BBOX1: variants seen among roughly 807,000 people sequenced by gnomAD.
The protein encoded by BBOX1 is gamma-butyrobetaine dioxygenase.
Under a neutral mutation model 41.6 loss-of-function variants are expected in BBOX1, and 35 were observed. That is an observed-to-expected ratio of 0.84 (90% CI 0.64 to 1.11). The LOEUF (loss-of-function observed/expected upper bound fraction) is 1.11, where lower values mean the gene tolerates loss of function less well. Among genes scored for constraint, BBOX1 ranks in the 50% most tolerant of loss-of-function variants. The pLI, the probability that BBOX1 is intolerant of heterozygous loss-of-function variation, is 0.00. For synonymous variants in BBOX1, 163 were observed against 154.7 expected, an observed-to-expected ratio of 1.05 and a Z score of -0.40; for missense variants, 458 against 460.6, an observed-to-expected ratio of 0.99 and a Z score of 0.05.
Position 27,114,657 on chromosome 11 carries a change from C to A in BBOX1, c.534-795C>A, listed in dbSNP as rs962537603. 3.3e-5 allele frequency among the ~76,000 whole-genome samples: 5 copies of A among 151,740 alleles called. No individual in the cohort carries two copies. The Admixed American group carries it at 3.3e-4, about 10-fold the overall frequency. On this transcript the variant is annotated intron_variant, in intron 5 of 8. Coordinates refer to ENST00000263182, the MANE Select transcript of BBOX1 (RefSeq NM_003986.3). Reference sequence around the variant, plus strand: ...ATATCATTCAATAGAGAAAGAACAACCTCTTTAACAAATTGTTCTGAGGCA... The same window carrying A: ...ATATCATTCAATAGAGAAAGAACAAACTCTTTAACAAATTGTTCTGAGGCA...
At chr11:27,074,025 C>T (rs1169206846) in intron 4 of BBOX1, among the ~76,000 whole-genome samples, 1 of 151,994 alleles carries the variant, frequency 6.6e-6, no homozygotes, top group Non-Finnish European at 1.5e-5. Flanking sequence ...AACAAACCTG[C>T]ATGTTGTGCA....
intron 2 of BBOX1, among the ~76,000 whole-genome samples, chr11:27,050,724 A>G (rs1009441503): frequency 4.6e-5 from 7 of 152,120 alleles, no homozygotes; most frequent in South Asian, 2.1e-4. Flanking sequence ...TATTAGTTCT[A>G]AAAGTTTTTT....
intron 3 of BBOX1, among the ~76,000 whole-genome samples, chr11:27,056,376 G>C (rs1037347757): frequency 6.6e-6 from 1 of 152,180 alleles, no homozygotes; most frequent in Admixed American, 6.5e-5. Flanking sequence ...TCCTGCCTCA[G>C]CCTCCCAAGT....
chr11:27,050,649 GTTA>G (rs1851643222), intron 2 of BBOX1, among the ~76,000 whole-genome samples: 1 of 152,040 alleles, frequency 6.6e-6, no homozygotes, highest in Admixed American at 6.5e-5. Context: ...AATGTTAGTT[GTTA>G]TTATACATAA....
At chr11:27,115,358 G>C in intron 5 of BBOX1, 94 bp from the exon 6 acceptor site, 3 of 995,530 alleles carry the variant, frequency 3.0e-6, no homozygotes, top group Admixed American at 2.8e-5. Context: ...AAAATGAAAA[G>C]TTTCCATTTC....
intron 4 of BBOX1, among the ~76,000 whole-genome samples, chr11:27,064,407 G>A (rs1378930426): frequency 1.3e-5 from 2 of 152,082 alleles, no homozygotes; most frequent in East Asian, 1.9e-4. Context: ...ATACACAGGT[G>A]GGAGAATAGC....
chr11:27,082,473 G>C (rs1226082536), intron 4 of BBOX1, among the ~76,000 whole-genome samples: 1 of 152,100 alleles, frequency 6.6e-6, no homozygotes, highest in Non-Finnish European at 1.5e-5. Context: ...CCAACTCTAA[G>C]GAAGTCTGGG....
At chr11:27,094,590 A>C (rs1760828060) in intron 5 of BBOX1, among the ~76,000 whole-genome samples, 1 of 151,956 alleles carries the variant, frequency 6.6e-6, no homozygotes, top group African/African-American at 2.4e-5. Context: ...CCTTGAAGAG[A>C]GGTAGACTCA....
At chr11:27,114,998 A>G (rs1859205215) in intron 5 of BBOX1, among the ~76,000 whole-genome samples, 1 of 151,848 alleles carries the variant, frequency 6.6e-6, no homozygotes, top group South Asian at 2.1e-4. Flanking sequence ...TTACTAAAAT[A>G]AGAGGTTTTG....
chr11:27,053,062 ATGT>A (rs936823716), intron 2 of BBOX1, among the ~76,000 whole-genome samples: 3 of 152,202 alleles, frequency 2.0e-5, no homozygotes, highest in Non-Finnish European at 4.4e-5. Flanking sequence ...TAGTCAAAAA[ATGT>A]TGTACTAGTG....
intron 4 of BBOX1, among the ~76,000 whole-genome samples, chr11:27,074,657 A>G (rs1252455029): frequency 6.6e-6 from 1 of 152,232 alleles, no homozygotes; most frequent in East Asian, 1.9e-4. Flanking sequence ...TAAGCAGCAA[A>G]GCATTCAAGA....
Position 27,126,572 on chromosome 11 carries a change from A to G in BBOX1, c.1004-721A>G, listed in dbSNP as rs576527821. Reference sequence around the variant, plus strand: ...TTCAGGATTCTTATGAGGCTTAGAAATAATGTGGCATAAAATACTAGGCAC... The same window carrying G: ...TTCAGGATTCTTATGAGGCTTAGAAGTAATGTGGCATAAAATACTAGGCAC... On this transcript the variant is annotated intron_variant, in intron 8 of 8. Coordinates refer to ENST00000263182, the MANE Select transcript of BBOX1 (RefSeq NM_003986.3). Among the ~76,000 whole-genome samples the G allele has an allele frequency of 2.4e-3, 358 of 152,324 alleles. 3 individuals carry two copies. Among genetic ancestry groups the G allele is most frequent in the South Asian group, 0.016 (79 of 4,820 alleles).
rs750503422 is a variant in BBOX1 at position 27,057,350 on chromosome 11, C to A, written c.334+35C>A. On this transcript the variant is annotated intron_variant, in intron 4 of 8. Coordinates refer to ENST00000263182, the MANE Select transcript of BBOX1 (RefSeq NM_003986.3). ...CCAAAGTCTTCAATGTCTTTTTAAA[C>A]CCTTACAGTAAAGGATTTTTATTAA... 5 of 1,486,648 alleles carry A rather than the reference C, an allele frequency of 3.4e-6. No individual in the cohort carries two copies. In the South Asian group the frequency reaches 4.8e-5, roughly 14 times the overall value. The allele number at this position is 1,486,648 out of a possible 1,614,324, so 92.1% of individuals were successfully genotyped here. A position where few individuals can be genotyped will look rare whatever the true frequency, so the allele number is the denominator to read the frequency against.
intron 4 of BBOX1, among the ~76,000 whole-genome samples, chr11:27,086,005 C>A (rs4923422): frequency 0.16 from 23,845 of 151,942 alleles, 2,171 homozygotes; most frequent in Middle Eastern, 0.24. Flanking sequence ...TTCTGTGAAG[C>A]CTGAGAGAGG....
chr11:27,069,709 C>T (rs183803211), intron 4 of BBOX1, among the ~76,000 whole-genome samples: 1 of 152,010 alleles, frequency 6.6e-6, no homozygotes, highest in African/African-American at 2.4e-5. Context: ...TTGCTTTTAA[C>T]TTTTAAGTTA....
chr11:27,117,253 C>T (rs1232795099), intron 6 of BBOX1, among the ~76,000 whole-genome samples: 1 of 151,728 alleles, frequency 6.6e-6, no homozygotes, highest in Non-Finnish European at 1.5e-5. Flanking sequence ...CACAATTAGC[C>T]CAATTTTTTT....
chr11:27,111,904 G>T (rs1412917540), intron 5 of BBOX1, among the ~76,000 whole-genome samples: 1 of 151,892 alleles, frequency 6.6e-6, no homozygotes, highest in Non-Finnish European at 1.5e-5. Flanking sequence ...GTATTTCATT[G>T]TTTGAAATCC....
chr11:27,085,771 C>T (rs1462653328), intron 4 of BBOX1, among the ~76,000 whole-genome samples: 1 of 152,080 alleles, frequency 6.6e-6, no homozygotes, highest in Non-Finnish European at 1.5e-5. Flanking sequence ...AGGCCAAAAG[C>T]TAGGCCTCTT....
intron 5 of BBOX1, among the ~76,000 whole-genome samples, chr11:27,107,376 A>G (rs1858908489): frequency 6.6e-6 from 1 of 152,102 alleles, no homozygotes; most frequent in Admixed American, 6.6e-5. Flanking sequence ...TGAGAATGAC[A>G]CAAATGGCTC....
Sources: allele counts gnomAD v4.1 joint callset (sites outside exome capture counted in the v4.1 genomes callset), GRCh38; gene constraint gnomAD v4.1.1; transcripts MANE v1.5; gene names NCBI Gene and HGNC (gene_info 2026-07-23, HGNC 2026-07-21).